MATN2: variants seen among roughly 807,000 people sequenced by gnomAD.
MATN2 encodes matrilin-2.
In MATN2, 69 loss-of-function variants were observed where a neutral mutation model predicts 103.2. The ratio of observed to expected loss-of-function variants is 0.67; its 90% CI spans 0.55 to 0.82. MATN2 has a LOEUF of 0.82. Among genes scored for constraint, MATN2 ranks in the 40% least tolerant of loss-of-function variants. MATN2 has a pLI of 0.00. For synonymous variants in MATN2, 429 were observed against 450.2 expected (o/e 0.95, Z 0.60); for missense variants, 1,023 against 1,211.5 (o/e 0.84, Z 2.31).
At chr8:97,965,971 C>T (rs547792289) in intron 5 of MATN2, among the ~76,000 whole-genome samples, 60 of 151,728 alleles carry the variant, frequency 4.0e-4, no homozygotes, top group African/African-American at 1.4e-3. Flanking sequence ...GCAACAAGAG[C>T]AAAACTCTGT....
In MATN2 at chr8:97,956,163, A is replaced by C. The variant is rs532852680; in HGVS notation, c.836-5245A>C. ...ATAGGCAGAGAGTAGGTAGTAGCTC[A>C]GGGCAGTTTTACAGTCATATTTATA... On this transcript the variant is annotated intron_variant, in intron 4 of 18. Coordinates refer to ENST00000254898, the MANE Select transcript of MATN2 (RefSeq NM_002380.5). 2.7e-3 allele frequency among the ~76,000 whole-genome samples: 403 copies of C among 151,620 alleles called. 3 individuals are homozygous for C. Among genetic ancestry groups the C allele is most frequent in the African/African-American group, 9.5e-3 (395 of 41,382 alleles).
At chr8:97,905,665 G>GT in intron 2 of MATN2, among the ~76,000 whole-genome samples, 1 of 152,038 alleles carries the variant, frequency 6.6e-6, no homozygotes, top group East Asian at 1.9e-4. Flanking sequence ...GTTTTGTTTT[G>GT]TTTTTTGTTT....
chr8:97,905,126 A>G (rs912947538), intron 2 of MATN2, among the ~76,000 whole-genome samples: 12 of 152,224 alleles, frequency 7.9e-5, no homozygotes, highest in Admixed American at 5.9e-4. Flanking sequence ...TTAAAAGTAC[A>G]TGTTACTCTA....
chr8:98,029,615 T>C (rs1490130154), intron 14 of MATN2, among the ~76,000 whole-genome samples: 1 of 152,200 alleles, frequency 6.6e-6, no homozygotes, highest in Non-Finnish European at 1.5e-5. Flanking sequence ...CCCGGACAAA[T>C]ATGCTGAACT....
At chr8:97,900,537 C>T (rs1456943481) in intron 2 of MATN2, among the ~76,000 whole-genome samples, 4 of 152,162 alleles carry the variant, frequency 2.6e-5, no homozygotes, top group African/African-American at 9.7e-5. Flanking sequence ...TCAGACTTGG[C>T]AAAGGCTGGG....
At chr8:97,875,367 G>A (rs1242041788) in intron 1 of MATN2, among the ~76,000 whole-genome samples, 6 of 152,140 alleles carry the variant, frequency 3.9e-5, no homozygotes, top group African/African-American at 1.4e-4. Context: ...GTTGGTGGAA[G>A]GATCTGAGGG....
At chr8:98,017,892 G>A (rs1279119281) in intron 11 of MATN2, 102 bp from the exon 12 acceptor site, 2 of 1,349,246 alleles carry the variant, frequency 1.5e-6, no homozygotes, top group African/African-American at 2.9e-5. Context: ...TCAGGTGGCA[G>A]ATAGAATCCA....
rs375793969 is a variant in MATN2 at position 98,003,715 on chromosome 8, T to A, written c.1259T>A (p.Met420Lys). Residue 420 changes from methionine (M) to lysine (K), a missense_variant, in exon 8 of 19, where the codon ATG (methionine) becomes AAG (lysine). Coordinates refer to ENST00000254898, the MANE Select transcript of MATN2 (RefSeq NM_002380.5). ...KPGCEHECVN[M>K]EESYYCRCHR... is the part of the protein sequence containing the mutation. ...GGCTGTGAGCATGAGTGCGTCAACA[T>A]GGAGGAGAGCTACTACTGCCGCTGC... The A allele has an allele frequency of 6.2e-7, 1 of 1,613,730 alleles. No individual in the cohort carries two copies. The highest frequency in any genetic ancestry group is 1.1e-5 in the South Asian group (1 of 91,078).
intron 3 of MATN2, among the ~76,000 whole-genome samples, chr8:97,932,209 C>T (rs1179021569): frequency 3.3e-5 from 5 of 152,138 alleles, no homozygotes; most frequent in Non-Finnish European, 7.4e-5. Flanking sequence ...GCACATGGAG[C>T]TGCCCTGGAA....
At chr8:97,967,263 A>T (rs557343889) in intron 5 of MATN2, among the ~76,000 whole-genome samples, 148 of 152,260 alleles carry the variant, frequency 9.7e-4, no homozygotes, top group Admixed American at 3.3e-3. Context: ...AAACCATATT[A>T]TTCCACTCCT....
intron 5 of MATN2, among the ~76,000 whole-genome samples, chr8:97,966,474 G>A (rs1398542622): frequency 2.0e-5 from 3 of 151,968 alleles, no homozygotes; most frequent in Admixed American, 1.3e-4. Context: ...GGAGGGGTGG[G>A]AGGATTGCTT....
chr8:97,915,587 G>T (rs558798106), intron 2 of MATN2, among the ~76,000 whole-genome samples: 1 of 152,116 alleles, frequency 6.6e-6, no homozygotes. Flanking sequence ...GCCCTGAGGC[G>T]CTGTGTTTTG....
At chr8:98,034,829 G>C (rs763371832) in intron 18 of MATN2, among the ~76,000 whole-genome samples, 1 of 151,024 alleles carries the variant, frequency 6.6e-6, no homozygotes. Flanking sequence ...CTCTTCACCA[G>C]ATTCCCAACA....
chr8:97,945,711 A>ATAT (rs1385265414), intron 4 of MATN2, among the ~76,000 whole-genome samples: 2 of 67,330 alleles, frequency 3.0e-5, no homozygotes, highest in Non-Finnish European at 5.5e-5. Flanking sequence ...TATAGAAAAA[A>ATAT]AAAAAAATAT....
intron 15 of MATN2, among the ~76,000 whole-genome samples, chr8:98,031,283 A>C (rs910667486): frequency 6.6e-6 from 1 of 151,956 alleles, no homozygotes; most frequent in Non-Finnish European, 1.5e-5. Flanking sequence ...GGCTTCAGTG[A>C]GCCATGATTG....
In MATN2 at chr8:97,982,842, T is replaced by A. The variant is rs1812070775; in HGVS notation, c.1081+3834T>A. ...GTTATAAAACATACATAATAGAAAATTTACCACTGTACTCATTCAGTGGCA... is the reference window on the plus strand; with the variant it reads ...GTTATAAAACATACATAATAGAAAAATTACCACTGTACTCATTCAGTGGCA... On this transcript the variant is annotated intron_variant, in intron 6 of 18. Transcript: ENST00000254898. The surrounding 1 kb of genome is among the most constrained non-coding windows in gnomAD (Gnocchi z 4.3). Among the ~76,000 whole-genome samples, 1 of 152,078 alleles carries A rather than the reference T, an allele frequency of 6.6e-6. No individual in the cohort carries two copies. Among genetic ancestry groups the A allele is most frequent in the Non-Finnish European group, 1.5e-5 (1 of 68,012 alleles).
intron 4 of MATN2, among the ~76,000 whole-genome samples, chr8:97,960,176 C>T (rs942693327): frequency 6.6e-6 from 1 of 152,154 alleles, no homozygotes; most frequent in African/African-American, 2.4e-5. Context: ...AGGCTGATCT[C>T]GAACTTCTGA....
intron 2 of MATN2, among the ~76,000 whole-genome samples, chr8:97,900,291 T>A (rs955297968): frequency 3.3e-5 from 5 of 152,196 alleles, no homozygotes; most frequent in African/African-American, 1.2e-4. Context: ...GGAAGGCTGG[T>A]TGGCCAGATG....
intron 1 of MATN2, among the ~76,000 whole-genome samples, chr8:97,876,484 T>C (rs1818074865): frequency 6.6e-6 from 1 of 152,098 alleles, no homozygotes. Context: ...CCACCGCGCC[T>C]GGACAATTCA....
Sources: allele counts gnomAD v4.1 joint callset (sites outside exome capture counted in the v4.1 genomes callset), GRCh38; gene constraint gnomAD v4.1.1; non-coding constraint Gnocchi (gnomAD v3.1); transcripts MANE v1.5; gene names NCBI Gene and HGNC (gene_info 2026-07-23, HGNC 2026-07-21).